ADGRL2: variants seen among roughly 807,000 people sequenced by gnomAD.
ADGRL2 encodes calcium-independent alpha-latrotoxin receptor 2.
ADGRL2 carries 44 observed loss-of-function variants against 157.4 expected under a neutral mutation model. The ratio of observed to expected loss-of-function variants is 0.28; its 90% confidence interval spans 0.22 to 0.36. ADGRL2 has a LOEUF of 0.36. Among genes scored for constraint, ADGRL2 ranks in the 10% least tolerant of loss-of-function variants. The pLI, the probability that ADGRL2 is intolerant of heterozygous loss-of-function variation, is 1.00. For missense variants in ADGRL2, 1,510 were observed against 1,768.9 expected, an observed-to-expected ratio of 0.85 and a Z score of 2.63; for synonymous variants, 585 against 624.7, an observed-to-expected ratio of 0.94 and a Z score of 0.95.
chr1:81,325,221 G>A (rs1428095846), intron 1 of ADGRL2, among the ~76,000 whole-genome samples: 1 of 152,106 alleles, frequency 6.6e-6, no homozygotes, highest in African/African-American at 2.4e-5. Flanking sequence ...CCCAGTCCAC[G>A]AAAGAACTGT....
intron 3 of ADGRL2, among the ~76,000 whole-genome samples, chr1:81,581,351 G>A (rs999552463): frequency 6.6e-6 from 1 of 152,114 alleles, no homozygotes; most frequent in Non-Finnish European, 1.5e-5. Context: ...TTTCAAGATT[G>A]GAATATCAGT....
chr1:81,400,397 G>C (rs1395691985), intron 1 of ADGRL2, among the ~76,000 whole-genome samples: 2 of 152,144 alleles, frequency 1.3e-5, no homozygotes, highest in African/African-American at 2.4e-5. Context: ...GCCAGGATCT[G>C]TGACTCTAAG....
intron 2 of ADGRL2, among the ~76,000 whole-genome samples, chr1:81,874,689 C>T (rs955733396): frequency 1.3e-5 from 2 of 151,552 alleles, no homozygotes; most frequent in Non-Finnish European, 2.9e-5. Context: ...CTTGCCTCTT[C>T]GCTTCTCTTC....
At chr1:81,732,279 A>G (rs1398351058) in intron 1 of ADGRL2, among the ~76,000 whole-genome samples, 2 of 152,220 alleles carry the variant, frequency 1.3e-5, no homozygotes, top group African/African-American at 2.4e-5. Flanking sequence ...TTCCAGCTGT[A>G]AGAAATACAT....
chr1:81,358,340 G>T (rs897119302), intron 1 of ADGRL2, among the ~76,000 whole-genome samples: 3 of 152,170 alleles, frequency 2.0e-5, no homozygotes, highest in African/African-American at 7.2e-5. Context: ...CTCTTGGAAT[G>T]AATGTGTCTT....
chr1:81,369,646 C>T (rs564367002), intron 1 of ADGRL2, among the ~76,000 whole-genome samples: 10 of 151,980 alleles, frequency 6.6e-5, no homozygotes, highest in Non-Finnish European at 8.8e-5. Flanking sequence ...GCCATGTATA[C>T]TTTTTTCATG....
chr1:81,711,124 C>T (rs1367030783), intron 1 of ADGRL2, among the ~76,000 whole-genome samples: 1 of 152,168 alleles, frequency 6.6e-6, no homozygotes, highest in Non-Finnish European at 1.5e-5. Context: ...TCAGAAAAGT[C>T]TTTACATATT....
At chr1:81,751,277 G>A (rs1475376548) in intron 1 of ADGRL2, among the ~76,000 whole-genome samples, 5 of 152,064 alleles carry the variant, frequency 3.3e-5, no homozygotes, top group African/African-American at 4.8e-5. Context: ...CTACTTCCCT[G>A]CAATATACTT....
At chr1:81,826,913 T>G (rs1395469255) in intron 1 of ADGRL2, among the ~76,000 whole-genome samples, 9 of 152,224 alleles carry the variant, frequency 5.9e-5, no homozygotes, top group Non-Finnish European at 1.2e-4. Flanking sequence ...TAGAAAAATT[T>G]AGCCTTGATT....
chr1:81,693,957 G>A (rs369812239), intron 3 of ADGRL2, among the ~76,000 whole-genome samples: 23 of 152,254 alleles, frequency 1.5e-4, no homozygotes, highest in African/African-American at 5.5e-4. Flanking sequence ...TAGGTGCAAT[G>A]GATATTATGG....
intron 11 of ADGRL2, among the ~76,000 whole-genome samples, chr1:81,962,022 C>T (rs1655578576): frequency 1.3e-5 from 2 of 152,108 alleles, no homozygotes; most frequent in Non-Finnish European, 1.5e-5. Flanking sequence ...TCTAGACATA[C>T]ATGCGCACAT....
chr1:81,603,239 G>A lies in ADGRL2; in HGVS notation c.-143+22259G>A, dbSNP rs144726048. Among the ~76,000 whole-genome samples, 13 of 152,142 alleles carry A rather than the reference G, an allele frequency of 8.5e-5. No homozygotes were observed. The East Asian group carries it at 9.7e-4, about 11-fold the overall frequency. On this transcript the variant is annotated intron_variant, in intron 3 of 24. Transcript: ENST00000370721. ...AGCTTTTCTCTCATAACCCAAACCC[G>A]AGAAATCTCAGTGGGCCATTTGTTC...
intron 19 of ADGRL2, 28 bp from the exon 20 acceptor site, chr1:81,984,554 TC>T (rs1256754347): frequency 5.2e-6 from 8 of 1,550,262 alleles, no homozygotes; most frequent in Non-Finnish European, 7.0e-6. Context: ...GTTATATTAA[TC>T]CCTTGGTCTT....
intron 1 of ADGRL2, among the ~76,000 whole-genome samples, chr1:81,316,938 C>A (rs1660146616): frequency 6.6e-6 from 1 of 152,170 alleles, no homozygotes; most frequent in African/African-American, 2.4e-5. Flanking sequence ...TGGGAAAGCG[C>A]AAATGGAATT....
intron 9 of ADGRL2, 72 bp downstream of exon 9, chr1:81,952,214 G>T: frequency 7.8e-7 from 1 of 1,285,506 alleles, no homozygotes; most frequent in Admixed American, 2.3e-5. Context: ...TATAGCAGTT[G>T]AGAGCCAAAT....
chr1:81,669,434 TG>T (rs1454599352), intron 3 of ADGRL2, among the ~76,000 whole-genome samples: 1 of 151,500 alleles, frequency 6.6e-6, no homozygotes, highest in Non-Finnish European at 1.5e-5. Flanking sequence ...ACAAAGACTA[TG>T]GGAGTATATA....
At chr1:81,587,418 T>C (rs2081049520) in intron 3 of ADGRL2, among the ~76,000 whole-genome samples, 1 of 152,010 alleles carries the variant, frequency 6.6e-6, no homozygotes, top group Non-Finnish European at 1.5e-5. Flanking sequence ...TAAGTAGGTA[T>C]TCATCAAGCA....
At chr1:81,394,999 A>G (rs2076629812) in intron 1 of ADGRL2, among the ~76,000 whole-genome samples, 1 of 152,092 alleles carries the variant, frequency 6.6e-6, no homozygotes, top group Non-Finnish European at 1.5e-5. Flanking sequence ...CCCAGGTTCA[A>G]GCAATTCTCA....
chr1:81,446,887 A>G (rs935695761), intron 2 of ADGRL2, among the ~76,000 whole-genome samples: 11 of 152,170 alleles, frequency 7.2e-5, no homozygotes, highest in African/African-American at 2.4e-4. Context: ...TACAAATGTT[A>G]TAATTTATTG....
Sources: allele counts gnomAD v4.1 joint callset (sites outside exome capture counted in the v4.1 genomes callset), GRCh38; gene constraint gnomAD v4.1.1; transcripts MANE v1.5; gene names NCBI Gene and HGNC (gene_info 2026-07-23, HGNC 2026-07-21).